ZNF385C: variants seen among roughly 807,000 people sequenced by gnomAD.
ZNF385C encodes CTD-2132N18.2.
ZNF385C carries 28 observed loss-of-function variants against 35.4 expected under a neutral mutation model. The ratio of observed to expected loss-of-function variants is 0.79; its 90% CI spans 0.59 to 1.08. The LOEUF is 1.08. Among genes scored for constraint, ZNF385C ranks in the 50% least tolerant of loss-of-function variants. ZNF385C has a pLI of 0.00. For synonymous variants in ZNF385C, 248 were observed against 248.2 expected, an observed-to-expected ratio of 1.00 and a Z score of 0.01; for missense variants, 605 against 595.6, an observed-to-expected ratio of 1.02 and a Z score of -0.16.
At chr17:42,087,777 C>T (rs1327536863) in intron 1 of ZNF385C, among the ~76,000 whole-genome samples, 2 of 152,190 alleles carry the variant, frequency 1.3e-5, no homozygotes, top group Non-Finnish European at 2.9e-5. Flanking sequence ...AATAAAATAA[C>T]CATAGTCCTT....
intron 1 of ZNF385C, among the ~76,000 whole-genome samples, chr17:42,079,070 A>C (rs115308440): frequency 4.0e-4 from 61 of 151,664 alleles, no homozygotes; most frequent in African/African-American, 1.4e-3. Context: ...CTAGCCCGGC[A>C]CGGTGGCTCA....
intron 1 of ZNF385C, among the ~76,000 whole-genome samples, chr17:42,097,986 C>T (rs1467724188): frequency 6.6e-6 from 1 of 152,220 alleles, no homozygotes; most frequent in Non-Finnish European, 1.5e-5. Context: ...CATTAGCCCA[C>T]GGAACAGAAG....
Position 42,063,031 on chromosome 17 carries a change from G to A in ZNF385C, c.26C>T (p.Pro9Leu), listed in dbSNP as rs559039130. 9 of 665,980 alleles carry A rather than the reference G, an allele frequency of 1.4e-5. No individual in the cohort carries two copies. The highest frequency in any genetic ancestry group is 6.5e-5 in the South Asian group (4 of 61,610). The allele number at this position is 665,980 out of a possible 1,614,324, so 41.3% of individuals were successfully genotyped here. A position where few individuals can be genotyped will look rare whatever the true frequency, so the allele number is the denominator to read the frequency against. ...TATGGGGGTCTCCTTCTCAGCCGGTGGGGGTGGGCTCAGTGGCCGCTTCAT... is the reference window on the plus strand; with the variant it reads ...TATGGGGGTCTCCTTCTCAGCCGGTAGGGGTGGGCTCAGTGGCCGCTTCAT... The part of the protein sequence containing the change: MKRPLSPP[P>L]PAEKETPISG... The change falls in exon 2 of 9, where the codon CCA (proline) becomes CTA (leucine). Residue 9 changes from proline (P) to leucine (L), a missense_variant. Coordinates refer to ENST00000692273, the MANE Select transcript of ZNF385C (RefSeq NM_001392013.1).
rs1157220858 is a variant in ZNF385C at position 42,026,106 on chromosome 17, G to A, written c.*791C>T. The A allele has an allele frequency of 6.6e-6, 1 of 152,190 alleles. No individual in the cohort carries two copies. Among genetic ancestry groups the A allele is most frequent in the African/African-American group, 2.4e-5 (1 of 41,436 alleles). 9.4% of individuals were successfully genotyped at this position (152,190 alleles called of 1,614,324 possible). On this transcript the variant is annotated 3_prime_UTR_variant, in exon 9 of 9. Transcript: ENST00000692273. ...ATATTAAGACTGGGCTTATCAGCAAGTATCACTTGAACCAGGGAGGCAGAG... is the reference window on the plus strand; with the variant it reads ...ATATTAAGACTGGGCTTATCAGCAAATATCACTTGAACCAGGGAGGCAGAG...
chr17:42,063,267 G>A (rs1484559196), intron 1 of ZNF385C, among the ~76,000 whole-genome samples: 1 of 152,176 alleles, frequency 6.6e-6, no homozygotes, highest in Non-Finnish European at 1.5e-5. Flanking sequence ...TGTGGCTCAC[G>A]CCTGTAATCC....
intron 2 of ZNF385C, among the ~76,000 whole-genome samples, chr17:42,053,467 C>T (rs139060211): frequency 2.7e-3 from 400 of 150,898 alleles, no homozygotes; most frequent in African/African-American, 9.6e-3. Context: ...CTTCACTCCC[C>T]TCGGACGTCT....
At chr17:42,028,615 A>G (rs1360027281) in intron 6 of ZNF385C, 168 bp downstream of exon 6, 2 of 842,752 alleles carry the variant, frequency 2.4e-6, no homozygotes, top group Non-Finnish European at 3.6e-6. Flanking sequence ...TCCTTCCCCA[A>G]GGAGTAATGG....
At chr17:42,054,648 C>G (rs1464249626) in intron 2 of ZNF385C, among the ~76,000 whole-genome samples, 1 of 149,814 alleles carries the variant, frequency 6.7e-6, no homozygotes, top group Non-Finnish European at 1.5e-5. Flanking sequence ...GTGGCAAGAT[C>G]TTGGCTCACT....
At chr17:42,064,526 G>T (rs764147585) in intron 1 of ZNF385C, among the ~76,000 whole-genome samples, 69 of 152,172 alleles carry the variant, frequency 4.5e-4, no homozygotes, top group Non-Finnish European at 9.0e-4. Flanking sequence ...TTAAGTTAAT[G>T]AGGTCATACC....
At position 42,038,227 on chromosome 17, in the gene ZNF385C, C is replaced by T. The variant is rs144340946; in HGVS notation, c.251-342G>A. The T allele has an allele frequency of 5.0e-4, 296 of 588,664 alleles. No homozygotes were observed. The African/African-American group carries it at 5.3e-3, about 11-fold the overall frequency. 36.5% of individuals were successfully genotyped at this position (588,664 alleles called of 1,614,324 possible). Reference sequence around the variant, plus strand: ...CCTGACACACACACCACCATGGAGACTGCATGATGTGCTGGGATTCCATTT... The same window carrying T: ...CCTGACACACACACCACCATGGAGATTGCATGATGTGCTGGGATTCCATTT... On this transcript the variant is annotated intron_variant, in intron 2 of 8. Coordinates refer to ENST00000692273, the MANE Select transcript of ZNF385C (RefSeq NM_001392013.1).
chr17:42,072,232 C>T (rs1232261828), intron 1 of ZNF385C, among the ~76,000 whole-genome samples: 1 of 152,106 alleles, frequency 6.6e-6, no homozygotes, highest in Non-Finnish European at 1.5e-5. Context: ...TCTGGTCGCG[C>T]CCCCTATCTC....
At chr17:42,053,692 G>A (rs2053325142) in intron 2 of ZNF385C, among the ~76,000 whole-genome samples, 1 of 152,122 alleles carries the variant, frequency 6.6e-6, no homozygotes, top group African/African-American at 2.4e-5. Flanking sequence ...TGGGAAAAGG[G>A]TTGAGAGTAA....
chr17:42,084,323 CAAA>C (rs1267679685), intron 1 of ZNF385C, among the ~76,000 whole-genome samples: 1 of 120,936 alleles, frequency 8.3e-6, no homozygotes, highest in Non-Finnish European at 1.8e-5. Flanking sequence ...GAGCTTGTCT[CAAA>C]AAAAAAAAAA....
chr17:42,037,979 G>C, intron 2 of ZNF385C, 94 bp from the exon 3 acceptor site: 1 of 1,540,778 alleles, frequency 6.5e-7, no homozygotes, highest in Non-Finnish European at 8.7e-7. Flanking sequence ...TGTGGAGCTG[G>C]GCAGAAACCT....
At chr17:42,043,555 G>T in intron 2 of ZNF385C, 1 of 441,288 alleles carries the variant, frequency 2.3e-6, no homozygotes, top group Non-Finnish European at 3.7e-6. Flanking sequence ...CTGCTCTGCC[G>T]GTGGGAGACT....
At chr17:42,064,784 C>T (rs1555658333) in intron 1 of ZNF385C, among the ~76,000 whole-genome samples, 4 of 152,086 alleles carry the variant, frequency 2.6e-5, no homozygotes, top group Non-Finnish European at 1.5e-5. Flanking sequence ...AGGCTGGTCT[C>T]GACCTCCTGA....
At chr17:42,087,588 C>T (rs781916864) in intron 1 of ZNF385C, among the ~76,000 whole-genome samples, 2 of 152,296 alleles carry the variant, frequency 1.3e-5, no homozygotes, top group East Asian at 3.9e-4. Flanking sequence ...TCCCACAGCC[C>T]CACATCTCTT....
In ZNF385C at chr17:42,028,213, C is replaced by T. The variant is rs199871476; in HGVS notation, c.1001G>A (p.Arg334Gln). The change falls in exon 7 of 9, where the codon CGA (arginine) becomes CAA (glutamine). Residue 334 changes from arginine (R) to glutamine (Q), a missense_variant. Arg to Gln is a conservative substitution (Grantham distance 43). Transcript: ENST00000692273. The part of the protein sequence containing the change: ...AKHRWMMEGQ[R>Q]GAPRRSRGRP... ...GCCCCGGCTCCTCCGGGGAGCCCCT[C>T]GCTGACCTTCCATCATCCACCGGTG... is the stretch of plus-strand genomic sequence containing the variant. The T allele has an allele frequency of 1.7e-4, 266 of 1,552,906 alleles. No homozygotes were observed. The highest frequency in any genetic ancestry group is 2.0e-4 in the Non-Finnish European group (236 of 1,152,384).
At chr17:42,077,720 C>G (rs1389591324) in intron 1 of ZNF385C, among the ~76,000 whole-genome samples, 1 of 152,144 alleles carries the variant, frequency 6.6e-6, no homozygotes, top group South Asian at 2.1e-4. Context: ...GGGGCTAGGA[C>G]GGGTGGCGTC....
Sources: gnomAD v4.1 joint callset for allele counts (sites outside exome capture counted in the v4.1 genomes callset) on GRCh38, gnomAD v4.1.1 for gene constraint, MANE v1.5 for transcripts, NCBI Gene and HGNC (gene_info 2026-07-23, HGNC 2026-07-21) for gene names.